The following GPR174 variants were observed in gnomAD, a reference collection of about 807,000 sequenced individuals.
The protein encoded by GPR174 is probable G protein-coupled receptor 174.
GPR174 carries 8 observed loss-of-function variants against 16.5 expected under a neutral mutation model. That is an observed-to-expected ratio of 0.48 (90% confidence interval 0.28 to 0.87). The LOEUF (loss-of-function observed/expected upper bound fraction) is 0.87, where lower values mean the gene tolerates loss of function less well. Ranked by LOEUF, GPR174 falls within the 40% of genes least tolerant of loss-of-function variation. The probability of loss-of-function intolerance (pLI) is 0.09; values close to 1 mark genes in which losing one functional copy is unlikely to be tolerated. For missense variants in GPR174, 214 were observed against 247.5 expected (o/e 0.86, Z 0.91); for synonymous variants, 111 against 94.8 (o/e 1.17, Z -0.99).
chrX:79,162,511 A>T (rs1343736637), intron 2 of GPR174, among the ~76,000 whole-genome samples: 2 of 112,604 alleles, frequency 1.8e-5, no homozygotes. Flanking sequence ...ATTATTAAAT[A>T]TGCCTTTAGA....
At chrX:79,149,831 T>TTC (rs1160206821) in intron 1 of GPR174, among the ~76,000 whole-genome samples, 2 of 107,508 alleles carry the variant, frequency 1.9e-5, no homozygotes, top group Non-Finnish European at 3.9e-5. Flanking sequence ...GTTTTTTTTT[T>TTC]TTTTTTTTGC....
At chrX:79,149,834 T>C (rs768148775) in intron 1 of GPR174, among the ~76,000 whole-genome samples, 1 of 107,764 alleles carries the variant, frequency 9.3e-6, no homozygotes, top group African/African-American at 3.4e-5. Context: ...TTTTTTTTTT[T>C]TTTTTGCCAT....
chrX:79,160,789 T>C (rs977975114), intron 2 of GPR174, among the ~76,000 whole-genome samples: 1 of 111,666 alleles, frequency 9.0e-6, no homozygotes, highest in African/African-American at 3.3e-5. Flanking sequence ...GAAGTCTAAA[T>C]AGAAGGCAGT....
chrX:79,161,447 A>G (rs1396309233), intron 2 of GPR174, among the ~76,000 whole-genome samples: 3 of 112,642 alleles, frequency 2.7e-5, no homozygotes, highest in Non-Finnish European at 5.6e-5. Flanking sequence ...ATTTATGGTC[A>G]TAAGTTATGG....
At chrX:79,146,276 A>G (rs1926498549) in intron 1 of GPR174, among the ~76,000 whole-genome samples, 1 of 112,313 alleles carries the variant, frequency 8.9e-6, no homozygotes, top group Non-Finnish European at 1.9e-5. Context: ...GTCTCCTGTC[A>G]ACAGTAATGT....
rs1265939649 is a variant in GPR174, at chrX:79,172,785, C to T, written c.*776C>T. 1.8e-5 allele frequency: 2 copies of T among 111,622 alleles called. No individual in the cohort carries two copies. Among genetic ancestry groups the T allele is most frequent in the Non-Finnish European group, 3.8e-5 (2 of 53,072 alleles). The allele number at this position is 111,622 out of a possible 1,213,427, so 9.2% of individuals were successfully genotyped here. A position where few individuals can be genotyped will look rare whatever the true frequency, so the allele number is the denominator to read the frequency against. On this transcript the variant is annotated 3_prime_UTR_variant, in exon 3 of 3. Transcript: ENST00000645147. ...CAAGGTGACTCAATTGGGCTCTAGG[C>T]CTAGGAGAAAGCAGAAAGGTGACAA...
At chrX:79,160,535 G>A (rs1377659285) in intron 2 of GPR174, among the ~76,000 whole-genome samples, 2 of 111,814 alleles carry the variant, frequency 1.8e-5, no homozygotes, top group African/African-American at 3.3e-5. Context: ...TGTGTGGTGT[G>A]TAGGATGTGT....
chrX:79,146,860 CAT>C (rs1345253829), intron 1 of GPR174, among the ~76,000 whole-genome samples: 1 of 111,354 alleles, frequency 9.0e-6, no homozygotes, highest in East Asian at 2.8e-4. Flanking sequence ...GCATTCCGCT[CAT>C]AGATACTTTA....
intron 2 of GPR174, among the ~76,000 whole-genome samples, chrX:79,170,155 A>C (rs1329868684): frequency 9.0e-6 from 1 of 111,608 alleles, no homozygotes; most frequent in Non-Finnish European, 1.9e-5. Flanking sequence ...TTCATTGTTA[A>C]AACGCAGATC....
At chrX:79,153,637 G>A (rs978540402) in intron 1 of GPR174, among the ~76,000 whole-genome samples, 5 of 111,488 alleles carry the variant, frequency 4.5e-5, no homozygotes, top group African/African-American at 1.3e-4. Context: ...ACAAAGGGAC[G>A]CTTGTTTCTG....
At chrX:79,166,299 G>C (rs1028861756) in intron 2 of GPR174, among the ~76,000 whole-genome samples, 1 of 110,632 alleles carries the variant, frequency 9.0e-6, no homozygotes. Flanking sequence ...ACCATGTATA[G>C]ATAAACAAGG....
intron 1 of GPR174, among the ~76,000 whole-genome samples, chrX:79,153,650 G>T (rs2147449883): frequency 9.0e-6 from 1 of 111,678 alleles, no homozygotes; most frequent in African/African-American, 3.2e-5. Flanking sequence ...TGTTTCTGGT[G>T]ATTTGTACAC....
chrX:79,157,876 C>G (rs1283566597), intron 2 of GPR174, among the ~76,000 whole-genome samples: 1 of 109,578 alleles, frequency 9.1e-6, no homozygotes, highest in African/African-American at 3.3e-5. Context: ...AAATCATGAA[C>G]AAAATGACTG....
chrX:79,166,438 T>C (rs1352483434), intron 2 of GPR174, among the ~76,000 whole-genome samples: 31 of 69,447 alleles, frequency 4.5e-4, no homozygotes, highest in African/African-American at 1.1e-3. Flanking sequence ...TTTTCTTTTT[T>C]TTTTTTTTTT....
Position 79,172,025 on chromosome X carries a change from T to G in GPR174, c.*16T>G, listed in dbSNP as rs773545467. The G allele has an allele frequency of 8.6e-7, 1 of 1,169,189 alleles. No individual in the cohort carries two copies. The highest frequency in any genetic ancestry group is 1.1e-6 in the Non-Finnish European group (1 of 874,176). On this transcript the variant is annotated 3_prime_UTR_variant, in exon 3 of 3. Transcript: ENST00000645147. ...ATTATGCTAAAACAAAAAACCAAACTGAATGTGACCTGAAATGCAAGTACA... is the reference window on the plus strand; with the variant it reads ...ATTATGCTAAAACAAAAAACCAAACGGAATGTGACCTGAAATGCAAGTACA...
intron 1 of GPR174, among the ~76,000 whole-genome samples, chrX:79,148,554 G>A (rs1314078289): frequency 4.5e-5 from 5 of 111,430 alleles, no homozygotes; most frequent in African/African-American, 1.6e-4. Flanking sequence ...GTCTCACCCT[G>A]TTACCTTGGC....
chrX:79,168,782 T>C (rs1921439192), intron 2 of GPR174, among the ~76,000 whole-genome samples: 1 of 111,215 alleles, frequency 9.0e-6, no homozygotes, highest in African/African-American at 3.3e-5. Context: ...TCTTTCATTT[T>C]ATTTAGTTAA....
intron 2 of GPR174, among the ~76,000 whole-genome samples, chrX:79,157,479 A>C (rs1418924487): frequency 1.8e-5 from 2 of 111,705 alleles, no homozygotes; most frequent in Non-Finnish European, 3.8e-5. Flanking sequence ...TTTGAAAGCA[A>C]GTCTATGCAC....
Position 79,171,030 on chromosome X carries a change from C to T in GPR174, c.23C>T (p.Thr8Ile). The T allele has an allele frequency of 8.3e-7, 1 of 1,200,152 alleles. No homozygotes were observed. The highest frequency in any genetic ancestry group is 1.8e-5 in the South Asian group (1 of 54,652). The part of the protein sequence containing the change: MPANYTC[T>I]RPDGDNTDFR... Reference sequence around the variant, plus strand: ...ATCATGCCTGCTAATTACACGTGTACCAGGCCAGATGGAGACAATACAGAT... The same window carrying T: ...ATCATGCCTGCTAATTACACGTGTATCAGGCCAGATGGAGACAATACAGAT... Residue 8 changes from threonine (T) to isoleucine (I), a missense_variant, in exon 3 of 3, where the codon ACC becomes ATC. Thr to Ile is a moderately conservative substitution (Grantham distance 89). Coordinates refer to ENST00000645147, the MANE Select transcript of GPR174 (RefSeq NM_032553.3).
Sources: gnomAD v4.1 joint callset for allele counts (sites outside exome capture counted in the v4.1 genomes callset) on GRCh38, gnomAD v4.1.1 for gene constraint, MANE v1.5 for transcripts, NCBI Gene and HGNC (gene_info 2026-07-23, HGNC 2026-07-21) for gene names.